Variants in HDDC2 observed in about 807,000 individuals in gnomAD.
The protein encoded by HDDC2 is HD domain containing 2.
In HDDC2, 25 loss-of-function variants were observed where a neutral mutation model predicts 25.5. That is an observed-to-expected ratio of 0.98 (90% CI 0.72 to 1.37). The LOEUF (loss-of-function observed/expected upper bound fraction) is 1.37, where lower values mean the gene tolerates loss of function less well. HDDC2 is among the 40% of genes most tolerant of loss of function. The probability of loss-of-function intolerance (pLI) is 0.00; values close to 1 mark genes in which losing one functional copy is unlikely to be tolerated. For synonymous variants in HDDC2, 106 were observed against 89.7 expected (o/e 1.18, Z -1.03); for missense variants, 264 against 253.1 (o/e 1.04, Z -0.29).
intron 3 of HDDC2, among the ~76,000 whole-genome samples, chr6:125,294,648 C>G (rs920281429): frequency 6.6e-6 from 1 of 152,146 alleles, no homozygotes; most frequent in Non-Finnish European, 1.5e-5. Context: ...ATGAACATCT[C>G]AACTGTAGAA....
intron 3 of HDDC2, among the ~76,000 whole-genome samples, chr6:125,293,911 T>C (rs1461509196): frequency 6.6e-6 from 1 of 152,210 alleles, no homozygotes; most frequent in Non-Finnish European, 1.5e-5. Flanking sequence ...AGCCAAAACC[T>C]AATGAAAAGC....
At chr6:125,299,182 G>A (rs941299643) in intron 2 of HDDC2, among the ~76,000 whole-genome samples, 1 of 152,170 alleles carries the variant, frequency 6.6e-6, no homozygotes, top group Non-Finnish European at 1.5e-5. Context: ...TCAGGAGTTC[G>A]AGACCAGCCT....
intron 4 of HDDC2, among the ~76,000 whole-genome samples, chr6:125,282,048 A>G (rs1798466962): frequency 6.6e-6 from 1 of 152,284 alleles, no homozygotes; most frequent in South Asian, 2.1e-4. Flanking sequence ...CCAATACTCA[A>G]CATTCTTTAA....
chr6:125,279,752 G>C (rs1165673393), intron 4 of HDDC2, among the ~76,000 whole-genome samples: 1 of 152,040 alleles, frequency 6.6e-6, no homozygotes, highest in Admixed American at 6.5e-5. Flanking sequence ...ATAAGCAACA[G>C]AAAAGCACAA....
chr6:125,279,699 T>C (rs9491354), intron 4 of HDDC2, among the ~76,000 whole-genome samples: 32,868 of 152,040 alleles, frequency 0.22, 4,315 homozygotes, highest in African/African-American at 0.37. Flanking sequence ...CAATTTGAAC[T>C]AAATTTCCTT....
chr6:125,299,465 G>A lies in HDDC2; in HGVS notation c.207-649C>T, dbSNP rs139526186. ...TCAATAAGTGGTTATGATTATTAGCGGTTAAGGAATAGTGGTTGTGATAAT... is the reference window on the plus strand; with the variant it reads ...TCAATAAGTGGTTATGATTATTAGCAGTTAAGGAATAGTGGTTGTGATAAT... On this transcript the variant is annotated intron_variant, in intron 2 of 5. Transcript: ENST00000398153. 1.6e-4 allele frequency among the ~76,000 whole-genome samples: 24 copies of A among 152,302 alleles called. No homozygotes were observed. In the East Asian group the frequency reaches 2.5e-3, roughly 16 times the overall value.
intron 4 of HDDC2, among the ~76,000 whole-genome samples, chr6:125,288,519 T>C (rs1798580456): frequency 6.6e-6 from 1 of 151,880 alleles, no homozygotes; most frequent in East Asian, 1.9e-4. Flanking sequence ...GTCCTGAAAA[T>C]GGAGGACTAA....
chr6:125,301,936 GCCACCGA>G lies in HDDC2; in HGVS notation c.-11_-5del. On this transcript the variant is annotated 5_prime_UTR_variant, in exon 1 of 6. Coordinates refer to ENST00000398153, the MANE Select transcript of HDDC2 (RefSeq NM_016063.3). ...TCGCAGAGGAGACCGAAGCCATGCG[GCCACCGA>G]CCCCGGCTGGGCGGAGCAGGCCGCG... The G allele has an allele frequency of 6.5e-7, 1 of 1,548,046 alleles. No individual in the cohort carries two copies. The highest frequency in any genetic ancestry group is 8.7e-7 in the Non-Finnish European group (1 of 1,147,988).
At chr6:125,300,233 A>T (rs1798774001) in intron 2 of HDDC2, 1 of 261,118 alleles carries the variant, frequency 3.8e-6, no homozygotes, top group African/African-American at 2.2e-5. Context: ...AAGAGCACAC[A>T]GTGTACTAAT....
chr6:125,295,391 A>G (rs548541906), intron 3 of HDDC2, among the ~76,000 whole-genome samples: 1 of 152,304 alleles, frequency 6.6e-6, no homozygotes, highest in South Asian at 2.1e-4. Context: ...GTAGTAGTCA[A>G]CTGAAGACCA....
chr6:125,294,867 T>C (rs1402996152), intron 3 of HDDC2, among the ~76,000 whole-genome samples: 1 of 152,224 alleles, frequency 6.6e-6, no homozygotes, highest in Non-Finnish European at 1.5e-5. Context: ...TACTAAGTTA[T>C]TAATAGGCTT....
intron 1 of HDDC2, 36 bp downstream of exon 1, chr6:125,301,805 TCCCGCCCG>T: frequency 6.9e-7 from 1 of 1,450,630 alleles, no homozygotes. Flanking sequence ...CGCCCCACAG[TCCCGCCCG>T]CTCGGCCGCG....
rs772670912 is a variant in HDDC2 at position 125,277,218 on chromosome 6, G to C, written c.401C>G (p.Ala134Gly). ...TAGCTGCTTCACAAATTTGGCTTCTGCACTAGATTGGGTCTCGTACTCCTA... is the reference window on the plus strand; with the variant it reads ...TAGCTGCTTCACAAATTTGGCTTCTCCACTAGATTGGGTCTCGTACTCCTA... ...LWEEYETQSSAEAKFVKQLDQ... is the reference protein window; with the variant it reads ...LWEEYETQSSGEAKFVKQLDQ... The change falls in exon 5 of 6, where the codon GCA (alanine) becomes GGA (glycine). Residue 134 changes from alanine (A) to glycine (G), a missense_variant. Coordinates refer to ENST00000398153, the MANE Select transcript of HDDC2 (RefSeq NM_016063.3). The C allele has an allele frequency of 8.1e-6, 13 of 1,613,944 alleles. No homozygotes were observed. The Admixed American group carries it at 2.0e-4, about 25-fold the overall frequency.
chr6:125,276,234 T>C lies in HDDC2; in HGVS notation c.527A>G (p.Asn176Ser), dbSNP rs552777966. 3.0e-5 allele frequency: 49 copies of C among 1,613,718 alleles called. No homozygotes were observed. Among genetic ancestry groups the C allele is most frequent in the South Asian group, 1.6e-4 (15 of 91,060 alleles). ...AACAAGCTGGACTATCTCAGGGTGA[T>C]TGAATTTTCCTGCAAAGCAAAAGAA... ...DFYDSTAGKF[N>S]HPEIVQLVSE... Residue 176 changes from asparagine to serine, a missense_variant, in exon 6 of 6, where the codon AAT becomes AGT. Physicochemically the swap from Asn to Ser is conservative, Grantham distance 46. Transcript: ENST00000398153.
chr6:125,301,870 C>A lies in HDDC2; in HGVS notation c.63G>T (p.Leu21=), dbSNP rs1242616052. ...TCACCTTGAGCTGCCCTACCAGCCG[C>A]AGGAACTGCAGTAGGGACCGAGCCC... The part of the protein sequence containing the change: ...GHGARSLLQF[L]RLVGQLKRVP... The change falls in exon 1 of 6, where the codon CTG becomes CTT. Residue 21 remains leucine, a synonymous_variant. Transcript: ENST00000398153. 6.5e-7 allele frequency: 1 copy of A among 1,548,668 alleles called. No individual in the cohort carries two copies. The highest frequency in any genetic ancestry group is 2.4e-5 in the East Asian group (1 of 41,230).
Position 125,298,783 on chromosome 6 carries a change from T to C in HDDC2, c.240A>G (p.Ala80=), listed in dbSNP as rs750345144. 1.2e-6 allele frequency: 2 copies of C among 1,614,164 alleles called. No individual in the cohort carries two copies. Among genetic ancestry groups the C allele is most frequent in the Non-Finnish European group, 1.7e-6 (2 of 1,180,010 alleles). ...GTGCTATGTCCCCAACGATGCATTCTGCCATATCATGAACCAGGGCTAGGC... is the reference window on the plus strand; with the variant it reads ...GTGCTATGTCCCCAACGATGCATTCCGCCATATCATGAACCAGGGCTAGGC... The part of the protein sequence containing the change: ...CVRLALVHDM[A]ECIVGDIAPA... The change falls in exon 3 of 6, where the codon GCA becomes GCG. Residue 80 remains alanine, a synonymous_variant. Transcript: ENST00000398153.
intron 4 of HDDC2, chr6:125,278,100 C>T (rs904593478): frequency 1.7e-4 from 26 of 152,280 alleles, no homozygotes; most frequent in Non-Finnish European, 2.9e-4. Context: ...AGATAACAAA[C>T]CTGTCATGGT....
chr6:125,295,697 C>G (rs1489324399), intron 3 of HDDC2, among the ~76,000 whole-genome samples: 1 of 152,150 alleles, frequency 6.6e-6, no homozygotes, highest in African/African-American at 2.4e-5. Context: ...AAGTTCCATT[C>G]TCTTTGTAAT....
intron 4 of HDDC2, among the ~76,000 whole-genome samples, chr6:125,285,319 A>G (rs1003898916): frequency 6.6e-6 from 1 of 152,180 alleles, no homozygotes; most frequent in Non-Finnish European, 1.5e-5. Context: ...ATAAAAAAAA[A>G]GAAAAGAAAA....
Sources: gnomAD v4.1 joint callset for allele counts (sites outside exome capture counted in the v4.1 genomes callset) on GRCh38, gnomAD v4.1.1 for gene constraint, MANE v1.5 for transcripts, NCBI Gene and HGNC (gene_info 2026-07-23, HGNC 2026-07-21) for gene names.